SMCO4: variants seen among roughly 807,000 people sequenced by gnomAD.
The protein encoded by SMCO4 is single-pass membrane protein with coiled-coil domains 4.
In SMCO4, 4 loss-of-function variants were observed where a neutral mutation model predicts 3.6. That is an observed-to-expected ratio of 1.11 (90% CI 0.54 to 2.53). The LOEUF (loss-of-function observed/expected upper bound fraction) is 2.53. SMCO4 is among the 30% of genes most tolerant of loss of function. SMCO4 has a pLI of 0.02. For synonymous variants in SMCO4, 36 were observed against 35.3 expected (o/e 1.02, Z -0.07); for missense variants, 70 against 80.8 (o/e 0.87, Z 0.51).
the SMCO4 span, among the ~76,000 whole-genome samples, chr11:93,549,122 A>AGTGTGTGTGTACACTCACATGCAT: frequency 5.3e-5 from 8 of 152,020 alleles, no homozygotes; most frequent in African/African-American, 1.9e-4. Flanking sequence ...AGTGGCCATG[A>AGTGTGTGTGTACACTCACATGCAT]GTGTGTGTGT....
At chr11:93,499,833 G>A (rs1427786494) in intron 1 of SMCO4, among the ~76,000 whole-genome samples, 3 of 152,316 alleles carry the variant, frequency 2.0e-5, no homozygotes, top group East Asian at 1.9e-4. Flanking sequence ...ATGAGAAAGT[G>A]ACCCAGGCAT....
Position 93,482,811 on chromosome 11 carries a change from C to T in SMCO4, c.-80-3542G>A, listed in dbSNP as rs564517782. Among the ~76,000 whole-genome samples, 19 of 152,330 alleles carry T rather than the reference C, an allele frequency of 1.2e-4. No individual in the cohort carries two copies. In the East Asian group the frequency reaches 3.3e-3, roughly 26 times the overall value. ...TCTGTCTTCCGGTAGCTTGTGATGA[C>T]GGGTCTGCATGCCAGCACGCCAAAC... On this transcript the variant is annotated intron_variant, in intron 2 of 2. Coordinates refer to ENST00000298966, the MANE Select transcript of SMCO4 (RefSeq NM_020179.3).
At chr11:93,530,360 G>A (rs924264802) in intron 1 of SMCO4, among the ~76,000 whole-genome samples, 6 of 152,144 alleles carry the variant, frequency 3.9e-5, no homozygotes, top group African/African-American at 1.2e-4. Context: ...TGGTTTATGT[G>A]TGGGTGGGTG....
chr11:93,526,483 C>T (rs1330324705), intron 1 of SMCO4, among the ~76,000 whole-genome samples: 1 of 152,066 alleles, frequency 6.6e-6, no homozygotes, highest in African/African-American at 2.4e-5. Flanking sequence ...CTAGAGCATT[C>T]AGCACTAGGC....
At chr11:93,495,162 A>T (rs1333284102) in intron 2 of SMCO4, among the ~76,000 whole-genome samples, 6 of 152,096 alleles carry the variant, frequency 3.9e-5, no homozygotes, top group Admixed American at 3.9e-4. Flanking sequence ...CAAGGGTCAC[A>T]TGACTTTCCA....
rs552772030 is a variant in SMCO4 at position 93,537,635 on chromosome 11, T to G, written c.-154+5641A>C. 2.9e-4 allele frequency among the ~76,000 whole-genome samples: 44 copies of G among 152,082 alleles called. 1 individual carries two copies. Among genetic ancestry groups the G allele is most frequent in the Middle Eastern group, 6.8e-3 (2 of 294 alleles). On this transcript the variant is annotated intron_variant, in intron 1 of 2. Coordinates refer to ENST00000298966, the MANE Select transcript of SMCO4 (RefSeq NM_020179.3). ...GGACATAATGTTCAAGAGGTAGGCA[T>G]GACAGCTCATATCCACAGGCAGAAA...
chr11:93,497,901 G>A (rs1211118992), intron 2 of SMCO4, among the ~76,000 whole-genome samples: 1 of 152,226 alleles, frequency 6.6e-6, no homozygotes, highest in East Asian at 1.9e-4. Flanking sequence ...AGTCTTCCAA[G>A]ATGATGGTGA....
chr11:93,530,762 C>G (rs1327950121), intron 1 of SMCO4, among the ~76,000 whole-genome samples: 1 of 152,186 alleles, frequency 6.6e-6, no homozygotes, highest in Non-Finnish European at 1.5e-5. Context: ...TTCCTCCACA[C>G]AGCAGCTCCT....
intron 1 of SMCO4, among the ~76,000 whole-genome samples, chr11:93,531,270 T>C (rs1374030236): frequency 6.6e-6 from 1 of 152,228 alleles, no homozygotes; most frequent in Non-Finnish European, 1.5e-5. Context: ...TGGTCTTTTC[T>C]GCCTTTGGAC....
chr11:93,504,917 T>C (rs1163529316), intron 1 of SMCO4, among the ~76,000 whole-genome samples: 2 of 152,114 alleles, frequency 1.3e-5, no homozygotes, highest in East Asian at 3.8e-4. Context: ...TACAGCACAG[T>C]GAGTTAGGGC....
chr11:93,497,758 C>T (rs1948791955), intron 2 of SMCO4, among the ~76,000 whole-genome samples: 1 of 152,188 alleles, frequency 6.6e-6, no homozygotes, highest in South Asian at 2.1e-4. Context: ...TACCACTTGC[C>T]TCTGCCTGCT....
At chr11:93,506,677 G>A (rs28638787) in intron 1 of SMCO4, among the ~76,000 whole-genome samples, 21,871 of 152,010 alleles carry the variant, frequency 0.14, 1,702 homozygotes, top group South Asian at 0.19. Flanking sequence ...TCCTGACCTC[G>A]TGATCCAACC....
At chr11:93,540,112 C>T (rs902180874) in intron 1 of SMCO4, among the ~76,000 whole-genome samples, 17 of 152,178 alleles carry the variant, frequency 1.1e-4, no homozygotes, top group South Asian at 6.2e-4. Context: ...ATTCATTGCG[C>T]GTGCTGGGGC....
At chr11:93,542,566 C>T (rs1441706033) in intron 1 of SMCO4, among the ~76,000 whole-genome samples, 1 of 152,194 alleles carries the variant, frequency 6.6e-6, no homozygotes, top group Non-Finnish European at 1.5e-5. Context: ...TAGTCGGCCC[C>T]AGCAGCAGAG....
chr11:93,498,789 G>C (rs1254470227), intron 2 of SMCO4, among the ~76,000 whole-genome samples: 2 of 152,184 alleles, frequency 1.3e-5, no homozygotes, highest in Non-Finnish European at 2.9e-5. Context: ...GTCCACACAG[G>C]AGCAGGCCTC....
intron 1 of SMCO4, among the ~76,000 whole-genome samples, chr11:93,511,686 G>C (rs1466126871): frequency 6.6e-6 from 1 of 152,056 alleles, no homozygotes; most frequent in Non-Finnish European, 1.5e-5. Flanking sequence ...TGAGCTGCTG[G>C]GAGAGGCTCC....
chr11:93,530,026 T>C (rs147863697), intron 1 of SMCO4, among the ~76,000 whole-genome samples: 176 of 152,368 alleles, frequency 1.2e-3, no homozygotes, highest in African/African-American at 4.0e-3. Context: ...AGGCCAAATG[T>C]GGCCTGCTGA....
In SMCO4 at chr11:93,494,812, AC is replaced by A. The variant is rs147492984; in HGVS notation, c.-81+4463del. Among the ~76,000 whole-genome samples, 505 of 152,274 alleles carry A rather than the reference AC, an allele frequency of 3.3e-3. 5 individuals are homozygous for A. Among genetic ancestry groups the A allele is most frequent in the African/African-American group, 0.012 (481 of 41,548 alleles). On this transcript the variant is annotated intron_variant, in intron 2 of 2. Coordinates refer to ENST00000298966, the MANE Select transcript of SMCO4 (RefSeq NM_020179.3). ...ACAGAATCCCTATTGTAAAAGACAA[AC>A]CCGGTCCAGTAACTCCCTAGTATTT...
intron 1 of SMCO4, among the ~76,000 whole-genome samples, chr11:93,530,777 C>G (rs1949154758): frequency 6.6e-6 from 1 of 152,162 alleles, no homozygotes; most frequent in Admixed American, 6.5e-5. Context: ...GCTCCTCCCT[C>G]TCTCCCCCTT....
Sources: gnomAD v4.1 joint callset for allele counts (sites outside exome capture counted in the v4.1 genomes callset) on GRCh38, gnomAD v4.1.1 for gene constraint, MANE v1.5 for transcripts, NCBI Gene and HGNC (gene_info 2026-07-23, HGNC 2026-07-21) for gene names.